Variants in GON4L observed in about 807,000 individuals in gnomAD.
The protein encoded by GON4L is gon-4 like, also known as GON-4-like protein.
In GON4L, 87 loss-of-function variants were observed where a neutral mutation model predicts 211.8. That is an observed-to-expected ratio of 0.41 (90% CI 0.35 to 0.49). GON4L has a LOEUF of 0.49. GON4L is among the 20% of genes least tolerant of loss of function. The probability of loss-of-function intolerance (pLI) is 0.15; values close to 1 mark genes in which losing one functional copy is unlikely to be tolerated. For missense variants in GON4L, 2,155 were observed against 2,659.5 expected (o/e 0.81, Z 4.17); for synonymous variants, 875 against 962.6 (o/e 0.91, Z 1.68).
At chr1:155,799,323 A>G (rs1015347463) in intron 11 of GON4L, among the ~76,000 whole-genome samples, 1 of 152,208 alleles carries the variant, frequency 6.6e-6, no homozygotes, top group African/African-American at 2.4e-5. Flanking sequence ...AATCCTAGCT[A>G]CTAGGGAGGT....
At chr1:155,786,417 C>A (rs1033043543) in intron 12 of GON4L, among the ~76,000 whole-genome samples, 16 of 152,062 alleles carry the variant, frequency 1.1e-4, no homozygotes, top group Non-Finnish European at 1.8e-4. Context: ...GCAGTCCCAG[C>A]TACTCAAGAG....
intron 2 of GON4L, among the ~76,000 whole-genome samples, chr1:155,844,187 C>T (rs1289462629): frequency 6.6e-6 from 1 of 152,138 alleles, no homozygotes; most frequent in Non-Finnish European, 1.5e-5. Context: ...ATAACTCAGG[C>T]CCTAGAATCT....
chr1:155,773,442 C>T (rs1395967464), intron 17 of GON4L: 1 of 545,068 alleles, frequency 1.8e-6, no homozygotes, highest in African/African-American at 1.9e-5. Context: ...TTATGTGGAA[C>T]ACTTTATTCA....
At chr1:155,791,072 G>A (rs1354118167) in intron 12 of GON4L, among the ~76,000 whole-genome samples, 1 of 151,374 alleles carries the variant, frequency 6.6e-6, no homozygotes, top group Non-Finnish European at 1.5e-5. Flanking sequence ...GATGAGCCTG[G>A]CCAACATGGT....
At chr1:155,771,545 G>A (rs190767488) in intron 18 of GON4L, among the ~76,000 whole-genome samples, 186 of 152,112 alleles carry the variant, frequency 1.2e-3, no homozygotes, top group African/African-American at 4.2e-3. Flanking sequence ...TGATTACAGC[G>A]CACTGCAGCC....
chr1:155,777,578 C>CAA, intron 15 of GON4L, 44 bp downstream of exon 15: 31 of 1,171,948 alleles, frequency 2.6e-5, no homozygotes, highest in Non-Finnish European at 3.7e-5. Context: ...GACTCTGTCT[C>CAA]AAAAAAAAAA....
At chr1:155,829,759 C>T (rs541933983) in intron 2 of GON4L, among the ~76,000 whole-genome samples, 1 of 152,228 alleles carries the variant, frequency 6.6e-6, no homozygotes, top group Admixed American at 6.5e-5. Flanking sequence ...GCTTCTCTTT[C>T]TGAGGTCTTT....
At position 155,766,295 on chromosome 1, in the gene GON4L, C is replaced by T; in HGVS notation, c.3178G>A (p.Val1060Ile). 6.2e-7 allele frequency: 1 copy of T among 1,614,088 alleles called. No individual in the cohort carries two copies. Among genetic ancestry groups the T allele is most frequent in the East Asian group, 2.2e-5 (1 of 44,880 alleles). Residue 1060 changes from valine (V) to isoleucine (I), a missense_variant, in exon 21 of 32, where the codon GTC (valine) becomes ATC (isoleucine). Val to Ile is a conservative substitution (Grantham distance 29). Transcript: ENST00000368331. ...QTVPGVPPLGVSGGESFESPA... is the reference protein window; with the variant it reads ...QTVPGVPPLGISGGESFESPA... ...GACTCAAAACTCTCACCTCCACTGA[C>T]CCCCAGTGGAGGGACACCTGGAACT... is the stretch of plus-strand genomic sequence containing the variant.
chr1:155,811,302 G>A (rs1448317878), intron 10 of GON4L, among the ~76,000 whole-genome samples: 2 of 127,754 alleles, frequency 1.6e-5, no homozygotes, highest in Non-Finnish European at 3.1e-5. Flanking sequence ...TGAGGCAGTA[G>A]AATGATGTGA....
At chr1:155,793,995 C>T (rs1220530795) in intron 12 of GON4L, among the ~76,000 whole-genome samples, 5 of 152,084 alleles carry the variant, frequency 3.3e-5, no homozygotes, top group African/African-American at 1.2e-4. Flanking sequence ...CTTTACCTAA[C>T]AAATTAATAC....
intron 16 of GON4L, among the ~76,000 whole-genome samples, chr1:155,775,556 G>T (rs1345452149): frequency 6.6e-6 from 1 of 151,676 alleles, no homozygotes; most frequent in Non-Finnish European, 1.5e-5. Flanking sequence ...CTGGGCTCAA[G>T]CGATTCTTCT....
intron 10 of GON4L, among the ~76,000 whole-genome samples, chr1:155,812,638 C>A (rs968654281): frequency 1.8e-4 from 28 of 152,020 alleles, no homozygotes; most frequent in Non-Finnish European, 3.1e-4. Context: ...TCACTGCAAC[C>A]TCTGCCTCCC....
chr1:155,802,312 T>TTG (rs1666742058), intron 11 of GON4L, among the ~76,000 whole-genome samples: 1 of 137,054 alleles, frequency 7.3e-6, no homozygotes, highest in Non-Finnish European at 1.6e-5. Flanking sequence ...ACATTTTCCT[T>TTG]GGGGGGGGGG....
intron 14 of GON4L, among the ~76,000 whole-genome samples, chr1:155,781,868 T>G (rs1329718108): frequency 6.6e-6 from 1 of 152,194 alleles, no homozygotes; most frequent in Admixed American, 6.5e-5. Context: ...GTGTTTCTCC[T>G]GCCTCAGCCT....
At chr1:155,855,151 C>G (rs901650187) in intron 1 of GON4L, among the ~76,000 whole-genome samples, 2 of 152,000 alleles carry the variant, frequency 1.3e-5, no homozygotes, top group South Asian at 2.1e-4. Context: ...TGCTTCAATT[C>G]TAGTTATCAC....
At chr1:155,748,809 G>A (rs1660353508), downstream of GON4L, 4 of 1,596,572 alleles carry the variant, frequency 2.5e-6, no homozygotes, top group Non-Finnish European at 2.6e-6. Flanking sequence ...TTGGTCCTTA[G>A]GAGTCCTTGT....
At chr1:155,859,001 T>C (rs903621901), upstream of GON4L, among the ~76,000 whole-genome samples, 3 of 152,148 alleles carry the variant, frequency 2.0e-5, no homozygotes, top group African/African-American at 7.2e-5. Context: ...GGCTGTTTTT[T>C]TAAAATTAGT....
intron 12 of GON4L, among the ~76,000 whole-genome samples, chr1:155,786,102 C>T (rs1288443332): frequency 6.7e-6 from 1 of 149,640 alleles, no homozygotes; most frequent in Non-Finnish European, 1.5e-5. Context: ...TCTCAAAAAA[C>T]AACAACAACA....
chr1:155,819,586 A>T (rs1668562515), intron 6 of GON4L, among the ~76,000 whole-genome samples: 1 of 152,118 alleles, frequency 6.6e-6, no homozygotes, highest in South Asian at 2.1e-4. Flanking sequence ...GTCTCCAAGG[A>T]ATAAAACCAG....
Sources: allele counts gnomAD v4.1 joint callset (sites outside exome capture counted in the v4.1 genomes callset), GRCh38; gene constraint gnomAD v4.1.1; transcripts MANE v1.5; gene names NCBI Gene and HGNC (gene_info 2026-07-23, HGNC 2026-07-21).